SUPT3H: variants seen among roughly 807,000 people sequenced by gnomAD.
SUPT3H encodes SPT3 homolog, SAGA and STAGA complex component.
SUPT3H carries 44 observed loss-of-function variants against 44.3 expected under a neutral mutation model. The observed-to-expected ratio is 0.99, with a 90% CI of 0.78 to 1.28. SUPT3H has a LOEUF of 1.28. SUPT3H is among the 50% of genes most tolerant of loss of function. The pLI, the probability that SUPT3H is intolerant of heterozygous loss-of-function variation, is 0.00. For synonymous variants in SUPT3H, 124 were observed against 125.6 expected (o/e 0.99, Z 0.09); for missense variants, 380 against 387.1 (o/e 0.98, Z 0.15).
intron 9 of SUPT3H, among the ~76,000 whole-genome samples, chr6:44,949,405 AAAAT>A (rs1414207674): frequency 1.3e-5 from 2 of 152,140 alleles, no homozygotes; most frequent in East Asian, 1.9e-4. Context: ...AAAAATTAAA[AAAAT>A]AAATAAATGC....
At chr6:45,271,024 A>C (rs1427513714) in intron 2 of SUPT3H, among the ~76,000 whole-genome samples, 2 of 152,248 alleles carry the variant, frequency 1.3e-5, no homozygotes, top group African/African-American at 2.4e-5. Context: ...GAGATAATTT[A>C]GGGTATCTGA....
At chr6:45,277,622 A>G (rs1490512971) in intron 2 of SUPT3H, among the ~76,000 whole-genome samples, 2 of 152,180 alleles carry the variant, frequency 1.3e-5, no homozygotes, top group Non-Finnish European at 2.9e-5. Flanking sequence ...GCATTACCCT[A>G]TAGGGACTCA....
At chr6:45,001,018 G>A (rs1251712250) in intron 6 of SUPT3H, among the ~76,000 whole-genome samples, 1 of 152,058 alleles carries the variant, frequency 6.6e-6, no homozygotes, top group Non-Finnish European at 1.5e-5. Context: ...CAGGTTCTTA[G>A]GCACAGCTCT....
intron 2 of SUPT3H, among the ~76,000 whole-genome samples, chr6:45,224,532 T>TTCATTCAAAACTATACCCA (rs1430751788): frequency 2.0e-5 from 3 of 151,662 alleles, no homozygotes; most frequent in African/African-American, 7.3e-5. Flanking sequence ...CAAGCAAGAG[T>TTCATTCAAAACTATACCCA]TCATTCAAAA....
chr6:45,170,817 C>T (rs778121533), intron 2 of SUPT3H, among the ~76,000 whole-genome samples: 1 of 152,156 alleles, frequency 6.6e-6, no homozygotes, highest in Admixed American at 6.6e-5. Context: ...CATAAGAATG[C>T]TAGCATAATT....
chr6:44,896,479 G>A (rs1196997003), intron 10 of SUPT3H, among the ~76,000 whole-genome samples: 1 of 152,150 alleles, frequency 6.6e-6, no homozygotes, highest in Non-Finnish European at 1.5e-5. Context: ...CTTGCTCAAA[G>A]ACAGGAACAC....
intron 3 of SUPT3H, among the ~76,000 whole-genome samples, chr6:45,031,100 G>A (rs1036572547): frequency 6.6e-6 from 1 of 152,100 alleles, no homozygotes; most frequent in Admixed American, 6.5e-5. Flanking sequence ...TCATGTTTTA[G>A]TGAGGTAACA....
At chr6:45,205,853 T>C (rs552843272) in intron 2 of SUPT3H, among the ~76,000 whole-genome samples, 1 of 152,120 alleles carries the variant, frequency 6.6e-6, no homozygotes, top group East Asian at 1.9e-4. Flanking sequence ...GTTACACCAC[T>C]AAGTTAATGG....
chr6:45,126,738 C>A (rs1370833230), intron 2 of SUPT3H, among the ~76,000 whole-genome samples: 2 of 152,196 alleles, frequency 1.3e-5, no homozygotes, highest in East Asian at 3.8e-4. Flanking sequence ...CTAAAAACCA[C>A]TGAGGGAAAT....
At chr6:44,910,372 C>T (rs572331446) in intron 10 of SUPT3H, among the ~76,000 whole-genome samples, 1 of 152,258 alleles carries the variant, frequency 6.6e-6, no homozygotes, top group Admixed American at 6.5e-5. Context: ...TACTATATTC[C>T]TTTCATTTTT....
chr6:45,257,421 A>C (rs1276376345), intron 2 of SUPT3H, among the ~76,000 whole-genome samples: 1 of 152,158 alleles, frequency 6.6e-6, no homozygotes, highest in African/African-American at 2.4e-5. Flanking sequence ...ACATTTCCAG[A>C]GAGTCTGTTT....
At chr6:44,974,919 C>T (rs1778106535) in intron 6 of SUPT3H, among the ~76,000 whole-genome samples, 1 of 152,254 alleles carries the variant, frequency 6.6e-6, no homozygotes, top group African/African-American at 2.4e-5. Flanking sequence ...ATTAAGATGA[C>T]CAGTTTATTG....
chr6:45,199,657 T>A (rs1227447783), intron 2 of SUPT3H, among the ~76,000 whole-genome samples: 1 of 151,384 alleles, frequency 6.6e-6, no homozygotes, highest in Non-Finnish European at 1.5e-5. Flanking sequence ...AGTTTCACAG[T>A]AGCATAATTT....
chr6:44,853,158 A>T (rs1272968062), intron 10 of SUPT3H, among the ~76,000 whole-genome samples: 1 of 152,176 alleles, frequency 6.6e-6, no homozygotes, highest in Non-Finnish European at 1.5e-5. Flanking sequence ...GTATTAACTT[A>T]TTTAGTCCTT....
intron 2 of SUPT3H, among the ~76,000 whole-genome samples, chr6:45,184,775 GAAAAAAAAAAAAA>G (rs55652227): frequency 2.3e-5 from 3 of 128,582 alleles, no homozygotes; most frequent in South Asian, 2.5e-4. Context: ...ACAGGCAGAG[GAAAAAAAAAAAAA>G]AAAAAAAAAA....
intron 2 of SUPT3H, among the ~76,000 whole-genome samples, chr6:45,207,627 T>C (rs937744031): frequency 3.9e-5 from 6 of 152,228 alleles, no homozygotes; most frequent in African/African-American, 1.4e-4. Context: ...CTCTGTGTCA[T>C]GTTTTGATAA....
chr6:45,266,030 C>G (rs1162051212), intron 2 of SUPT3H, among the ~76,000 whole-genome samples: 1 of 152,040 alleles, frequency 6.6e-6, no homozygotes, highest in East Asian at 1.9e-4. Flanking sequence ...TCTCATATTA[C>G]ACAGTACCAC....
At chr6:44,961,566 C>T (rs1361951390) in intron 7 of SUPT3H, among the ~76,000 whole-genome samples, 187 bp downstream of exon 7, 1 of 152,134 alleles carries the variant, frequency 6.6e-6, no homozygotes, top group African/African-American at 2.4e-5. Context: ...TTATTAACTG[C>T]AAAGCAGTAG....
At chr6:44,964,346 G>A (rs1037605707) in intron 6 of SUPT3H, among the ~76,000 whole-genome samples, 3 of 150,450 alleles carry the variant, frequency 2.0e-5, no homozygotes, top group Non-Finnish European at 4.5e-5. Context: ...ATAAATGGCT[G>A]GACAGAAAAG....
Sources: allele counts gnomAD v4.1 joint callset (sites outside exome capture counted in the v4.1 genomes callset), GRCh38; gene constraint gnomAD v4.1.1; transcripts MANE v1.5; gene names NCBI Gene and HGNC (gene_info 2026-07-23, HGNC 2026-07-21).